The following ZFPM1 variants were observed in gnomAD, a reference collection of about 807,000 sequenced individuals.
ZFPM1 encodes zinc finger protein ZFPM1.
A neutral mutation model predicts 46.3 loss-of-function variants in ZFPM1; 28 were observed. The ratio of observed to expected loss-of-function variants is 0.60; its 90% confidence interval spans 0.45 to 0.83. The LOEUF is 0.83. Ranked by LOEUF, ZFPM1 falls within the 40% of genes least tolerant of loss-of-function variation. The probability of loss-of-function intolerance (pLI) is 0.00; values close to 1 mark genes in which losing one functional copy is unlikely to be tolerated. For synonymous variants in ZFPM1, 957 were observed against 675.9 expected, an observed-to-expected ratio of 1.42 and a Z score of -6.45; for missense variants, 1,878 against 1,432.4, an observed-to-expected ratio of 1.31 and a Z score of -5.02.
At position 88,533,531 on chromosome 16, in the gene ZFPM1, T is replaced by G; in HGVS notation, c.1573T>G (p.Phe525Val). 6.9e-7 allele frequency: 1 copy of G among 1,454,562 alleles called. No homozygotes were observed. 90.1% of individuals were successfully genotyped at this position (1,454,562 alleles called of 1,614,324 possible). A position where few individuals can be genotyped will look rare whatever the true frequency, so the allele number is the denominator to read the frequency against. The change falls in exon 10 of 10, where the codon TTC becomes GTC. Residue 525 changes from phenylalanine to valine, a missense_variant. Coordinates refer to ENST00000319555, the MANE Select transcript of ZFPM1 (RefSeq NM_153813.3). The stretch of plus-strand genomic sequence containing the variant: ...CGAGCTGGGCCTGGCCGGGGCCCTG[T>G]TCCTTCCGCAGTACGTGTTCGGGCC... ...PGELGLAGAL[F>V]LPQYVFGPDA...
At chr16:88,488,006 C>T (rs573137383) in intron 2 of ZFPM1, among the ~76,000 whole-genome samples, 26 of 152,360 alleles carry the variant, frequency 1.7e-4, no homozygotes, top group Non-Finnish European at 2.8e-4. Context: ...TGGCCAGTCC[C>T]GGGGCCGGGC....
intron 3 of ZFPM1, among the ~76,000 whole-genome samples, chr16:88,506,274 G>A (rs1404944687): frequency 1.6e-5 from 2 of 125,934 alleles, no homozygotes; most frequent in African/African-American, 6.2e-5. Flanking sequence ...GGGGCAGGGA[G>A]ACCAGGGCAG....
chr16:88,501,516 A>G (rs12928157), intron 3 of ZFPM1, among the ~76,000 whole-genome samples: 1,945 of 31,558 alleles, frequency 0.062, 160 homozygotes, highest in Middle Eastern at 0.18. Context: ...TGGTGATGAT[A>G]GAGATAGCAG....
chr16:88,504,147 A>G (rs1440326326), intron 3 of ZFPM1, among the ~76,000 whole-genome samples: 1 of 151,938 alleles, frequency 6.6e-6, no homozygotes, highest in Admixed American at 6.6e-5. Context: ...GCAAATGAAC[A>G]GGCTGAGCAG....
At chr16:88,462,830 G>C (rs951060145) in intron 1 of ZFPM1, among the ~76,000 whole-genome samples, 1 of 145,044 alleles carries the variant, frequency 6.9e-6, no homozygotes, top group Admixed American at 6.7e-5. Context: ...CTGAGCCTCA[G>C]TTTCCCCACT....
At chr16:88,496,540 C>G (rs1909940833) in intron 3 of ZFPM1, among the ~76,000 whole-genome samples, 1 of 151,988 alleles carries the variant, frequency 6.6e-6, no homozygotes, top group Non-Finnish European at 1.5e-5. Flanking sequence ...CTGGGGTACC[C>G]TGCGGCTGAG....
At chr16:88,485,817 T>G in intron 1 of ZFPM1, 122 bp from the exon 2 acceptor site, 1 of 832,028 alleles carries the variant, frequency 1.2e-6, no homozygotes, top group Non-Finnish European at 1.9e-6. Flanking sequence ...GGGATGACCC[T>G]CACCCCCACC....
At chr16:88,510,511 G>T (rs1910896944) in intron 3 of ZFPM1, among the ~76,000 whole-genome samples, 1 of 152,248 alleles carries the variant, frequency 6.6e-6, no homozygotes, top group Non-Finnish European at 1.5e-5. Context: ...ATGCCTGGGG[G>T]TGAAATTGAA....
intron 4 of ZFPM1, among the ~76,000 whole-genome samples, chr16:88,518,301 G>C (rs575149423): frequency 1.8e-4 from 28 of 151,928 alleles, no homozygotes; most frequent in Non-Finnish European, 3.8e-4. Flanking sequence ...GGATAACCAG[G>C]TGGATGGATG....
At chr16:88,455,143 GT>G (rs1907484565) in intron 1 of ZFPM1, among the ~76,000 whole-genome samples, 1 of 144,482 alleles carries the variant, frequency 6.9e-6, no homozygotes, top group South Asian at 2.1e-4. Context: ...GTGTGTGTGT[GT>G]GTGTGTGTGT....
chr16:88,524,379 G>A lies in ZFPM1; in HGVS notation c.403-2435G>A, dbSNP rs566623460. ...CCTGCCCCAGCAGAAGCCCCCATCG[G>A]AGCCGGCAGAGCCCCACAGCTGGCG... On this transcript the variant is annotated intron_variant, in intron 4 of 9. Coordinates refer to ENST00000319555, the MANE Select transcript of ZFPM1 (RefSeq NM_153813.3). 4.2e-3 allele frequency among the ~76,000 whole-genome samples: 638 copies of A among 152,320 alleles called. 5 individuals are homozygous for A. Among genetic ancestry groups the A allele is most frequent in the African/African-American group, 0.015 (612 of 41,576 alleles).
At chr16:88,487,815 G>A (rs1281216902) in intron 2 of ZFPM1, among the ~76,000 whole-genome samples, 1 of 152,152 alleles carries the variant, frequency 6.6e-6, no homozygotes, top group African/African-American at 2.4e-5. Flanking sequence ...TGACCCCAGG[G>A]CTGGGGCCGC....
chr16:88,473,901 C>T (rs529130919), intron 1 of ZFPM1, among the ~76,000 whole-genome samples: 5 of 152,298 alleles, frequency 3.3e-5, no homozygotes, highest in African/African-American at 1.2e-4. Context: ...CCCTGGGCAC[C>T]CCCTCGGCTC....
intron 1 of ZFPM1, among the ~76,000 whole-genome samples, chr16:88,459,500 T>C (rs1049815643): frequency 2.0e-5 from 3 of 151,922 alleles, no homozygotes; most frequent in African/African-American, 7.3e-5. Flanking sequence ...CCGAGACAGC[T>C]GCTACTAACC....
At position 88,535,080 on chromosome 16, in the gene ZFPM1, A is replaced by G. The variant is rs912509257; in HGVS notation, c.*101A>G. On this transcript the variant is annotated 3_prime_UTR_variant, in exon 10 of 10. Transcript: ENST00000319555. ...GACTGCCGCTCCTGGGAACCCCGCC[A>G]CGCACAGGCCTCGGCGGAGGGGGCC... 5 of 1,316,634 alleles carry G rather than the reference A, an allele frequency of 3.8e-6. No homozygotes were observed. In the African/African-American group the frequency reaches 7.6e-5, roughly 20 times the overall value. The allele number at this position is 1,316,634 out of a possible 1,614,324, so 81.6% of individuals were successfully genotyped here.
At position 88,469,705 on chromosome 16, in the gene ZFPM1, C is replaced by T. The variant is rs952464011; in HGVS notation, c.40+16027C>T. 1.3e-5 allele frequency among the ~76,000 whole-genome samples: 2 copies of T among 152,194 alleles called. No individual in the cohort carries two copies. The highest frequency in any genetic ancestry group is 2.9e-5 in the Non-Finnish European group (2 of 68,044). The stretch of plus-strand genomic sequence containing the variant: ...GCTCCCACGGCACCTGAAAATCAGC[C>T]ACAGGTGTGGGTGTTTGTCAAAAAT... On this transcript the variant is annotated intron_variant, in intron 1 of 9. Transcript: ENST00000319555. This position sits in a 1 kb window ranked among gnomAD's most constrained non-coding sequence, Gnocchi z 4.3.
At chr16:88,500,724 G>A (rs1231963540) in intron 3 of ZFPM1, among the ~76,000 whole-genome samples, 1 of 152,188 alleles carries the variant, frequency 6.6e-6, no homozygotes. Flanking sequence ...TCTGGGCTCA[G>A]GGTCCTCATC....
At chr16:88,501,065 A>G (rs1910228393) in intron 3 of ZFPM1, among the ~76,000 whole-genome samples, 2 of 150,774 alleles carry the variant, frequency 1.3e-5, no homozygotes, top group African/African-American at 4.9e-5. Context: ...TGATGGAGGT[A>G]GCGGTCATGG....
At position 88,480,170 on chromosome 16, in the gene ZFPM1, T is replaced by C. The variant is rs1402471164; in HGVS notation, c.41-5769T>C. Among the ~76,000 whole-genome samples the C allele has an allele frequency of 1.3e-5, 2 of 151,846 alleles. No individual in the cohort carries two copies. The highest frequency in any genetic ancestry group is 2.9e-5 in the Non-Finnish European group (2 of 67,966). On this transcript the variant is annotated intron_variant, in intron 1 of 9. Transcript: ENST00000319555. This position sits in a 1 kb window ranked among gnomAD's most constrained non-coding sequence, Gnocchi z 4.9. ...CCTGGACCCGGTGCTGGCAGCCTCCTCCTCTCCCCATCCAGATTGCCACCC... is the reference window on the plus strand; with the variant it reads ...CCTGGACCCGGTGCTGGCAGCCTCCCCCTCTCCCCATCCAGATTGCCACCC...
Sources: gnomAD v4.1 joint callset for allele counts (sites outside exome capture counted in the v4.1 genomes callset) on GRCh38, gnomAD v4.1.1 for gene constraint, Gnocchi (gnomAD v3.1) non-coding constraint, MANE v1.5 for transcripts, NCBI Gene and HGNC (gene_info 2026-07-23, HGNC 2026-07-21) for gene names.